LRIF1: variants seen among roughly 807,000 people sequenced by gnomAD.
LRIF1 encodes ligand dependent nuclear receptor interacting factor 1, also known as ligand-dependent nuclear receptor-interacting factor 1.
LRIF1 carries 32 observed loss-of-function variants against 52.7 expected under a neutral mutation model. The ratio of observed to expected loss-of-function variants is 0.61; its 90% CI spans 0.46 to 0.82. LRIF1 has a LOEUF of 0.82. Ranked by LOEUF, LRIF1 falls within the 40% of genes least tolerant of loss-of-function variation. The probability of loss-of-function intolerance (pLI) is 0.00; values close to 1 mark genes in which losing one functional copy is unlikely to be tolerated. For synonymous variants in LRIF1, 323 were observed against 317.4 expected, an observed-to-expected ratio of 1.02 and a Z score of -0.19; for missense variants, 887 against 892.0, an observed-to-expected ratio of 0.99 and a Z score of 0.07.
the LRIF1 span, chr1:110,892,237 T>C: frequency 4.7e-5 from 40 of 843,908 alleles, no homozygotes; most frequent in African/African-American, 5.1e-4. Context: ...AGACTCTTGA[T>C]TGAGCCAGTT....
chr1:110,946,367 G>A (rs1658204581), downstream of LRIF1, among the ~76,000 whole-genome samples: 1 of 152,260 alleles, frequency 6.6e-6, no homozygotes, highest in East Asian at 1.9e-4. Context: ...ATGGGTATAA[G>A]GTTTGTTTGG....
At chr1:110,897,702 C>T in the LRIF1 span, 3 of 640,918 alleles carry the variant, frequency 4.7e-6, no homozygotes, top group African/African-American at 3.7e-5. Context: ...ACCTAAGCCT[C>T]TTTGTATTAC....
chr1:110,900,867 C>T, the LRIF1 span, among the ~76,000 whole-genome samples: 2 of 151,374 alleles, frequency 1.3e-5, no homozygotes, highest in Non-Finnish European at 2.9e-5. Flanking sequence ...TTTGTTTGGT[C>T]AAAAAAAGAA....
At chr1:110,899,863 A>G in the LRIF1 span, 1 of 152,518 alleles carries the variant, frequency 6.6e-6, no homozygotes, top group Admixed American at 6.6e-5. Flanking sequence ...TCTCTCTATC[A>G]GATAAGATTT....
the LRIF1 span, among the ~76,000 whole-genome samples, chr1:110,918,117 T>G: frequency 6.6e-6 from 1 of 152,130 alleles, no homozygotes; most frequent in Non-Finnish European, 1.5e-5. Flanking sequence ...TAAAAACACC[T>G]ACCTCCCCTC....
chr1:110,906,352 C>T, the LRIF1 span, among the ~76,000 whole-genome samples: 4 of 152,118 alleles, frequency 2.6e-5, no homozygotes, highest in African/African-American at 9.6e-5. Flanking sequence ...TGAAACCAGC[C>T]TAGTCAACAT....
At chr1:110,932,550 T>C in the LRIF1 span, among the ~76,000 whole-genome samples, 6 of 152,186 alleles carry the variant, frequency 3.9e-5, no homozygotes, top group Non-Finnish European at 8.8e-5. Flanking sequence ...GGGGATAGCA[T>C]TGAATCTATG....
the LRIF1 span, among the ~76,000 whole-genome samples, chr1:110,887,052 A>ATTTATG: frequency 8.2e-6 from 1 of 121,816 alleles, no homozygotes; most frequent in Non-Finnish European, 1.9e-5. Context: ...CCATGTCTCT[A>ATTTATG]TTTATGTTTA....
chr1:110,924,020 TTACAAA>T, the LRIF1 span, among the ~76,000 whole-genome samples: 2 of 152,086 alleles, frequency 1.3e-5, no homozygotes, highest in African/African-American at 4.8e-5. Context: ...AAAAGTCACA[TTACAAA>T]TACAAAGAAT....
chr1:110,916,178 T>C, the LRIF1 span, among the ~76,000 whole-genome samples: 1 of 151,986 alleles, frequency 6.6e-6, no homozygotes. Flanking sequence ...CAGAAAAAAA[T>C]GAAGAGCCTG....
At chr1:110,894,989 C>A in the LRIF1 span, 1 of 1,613,912 alleles carries the variant, frequency 6.2e-7, no homozygotes, top group Non-Finnish European at 8.5e-7. Context: ...AGGGTCTGAC[C>A]GACAGCATCC....
chr1:110,948,481 T>C (rs1658308033), intron 3 of LRIF1, 82 bp from the exon 4 acceptor site: 1 of 1,473,520 alleles, frequency 6.8e-7, no homozygotes, highest in South Asian at 1.4e-5. Context: ...TAACAACGTC[T>C]GCAGAAACAA....
intron 1 of LRIF1, among the ~76,000 whole-genome samples, chr1:110,958,120 C>T (rs564737019): frequency 1.3e-5 from 2 of 152,318 alleles, no homozygotes; most frequent in African/African-American, 4.8e-5. Flanking sequence ...GCCAATTCAG[C>T]TGGACGCGAA....
the LRIF1 span, chr1:110,894,347 T>C: frequency 6.2e-7 from 1 of 1,614,102 alleles, no homozygotes; most frequent in Non-Finnish European, 8.5e-7. Flanking sequence ...TGCTGCTGAT[T>C]ATCCTCCTTG....
the LRIF1 span, among the ~76,000 whole-genome samples, chr1:110,907,134 C>T: frequency 6.6e-6 from 1 of 152,058 alleles, no homozygotes; most frequent in African/African-American, 2.4e-5. Flanking sequence ...AGCCTAAGGT[C>T]GTGTCTTGAA....
At chr1:110,930,074 T>C in the LRIF1 span, among the ~76,000 whole-genome samples, 1 of 152,070 alleles carries the variant, frequency 6.6e-6, no homozygotes, top group Admixed American at 6.5e-5. Context: ...CTACAGACCT[T>C]ATTTGATTTT....
chr1:110,959,377 G>A (rs184492253), intron 1 of LRIF1, among the ~76,000 whole-genome samples: 5 of 152,194 alleles, frequency 3.3e-5, no homozygotes, highest in Admixed American at 1.3e-4. Context: ...TAACTGCCTG[G>A]GAGCATAACA....
At chr1:110,944,563 GA>G (rs796429798), downstream of LRIF1, 2 of 152,332 alleles carry the variant, frequency 1.3e-5, no homozygotes, top group East Asian at 1.9e-4. Context: ...TTAATGTAAA[GA>G]GATTAGGGAG....
At chr1:110,933,358 C>T in the LRIF1 span, among the ~76,000 whole-genome samples, 1 of 152,164 alleles carries the variant, frequency 6.6e-6, no homozygotes. Flanking sequence ...AGAAAGAACA[C>T]CTTCATAAGA....
Sources: gnomAD v4.1 joint callset for allele counts (sites outside exome capture counted in the v4.1 genomes callset) on GRCh38, gnomAD v4.1.1 for gene constraint, MANE v1.5 for transcripts, NCBI Gene and HGNC (gene_info 2026-07-23, HGNC 2026-07-21) for gene names.